The following INSR variants were observed in gnomAD, a reference collection of about 807,000 sequenced individuals.
INSR encodes IR.
In INSR, 67 loss-of-function variants were observed where a neutral mutation model predicts 142.6. The ratio of observed to expected loss-of-function variants is 0.47; its 90% CI spans 0.39 to 0.58. The LOEUF (loss-of-function observed/expected upper bound fraction) is 0.58. INSR is among the 20% of genes least tolerant of loss of function. The pLI is 0.00. For synonymous variants in INSR, 756 were observed against 743.1 expected (o/e 1.02, Z -0.28); for missense variants, 1,248 against 1,833.2 (o/e 0.68, Z 5.83).
At chr19:7,160,176 T>C (rs941271712) in intron 9 of INSR, among the ~76,000 whole-genome samples, 26 of 151,884 alleles carry the variant, frequency 1.7e-4, no homozygotes, top group African/African-American at 5.8e-4. Flanking sequence ...TTTTCTTAGA[T>C]GGAGTTTTGC....
chr19:7,249,131 A>C (rs74487764), intron 2 of INSR, among the ~76,000 whole-genome samples: 2,408 of 152,180 alleles, frequency 0.016, 62 homozygotes, highest in African/African-American at 0.055. Context: ...TCTGAACTAC[A>C]TTGACAAATT....
intron 2 of INSR, among the ~76,000 whole-genome samples, chr19:7,215,318 C>T (rs917718920): frequency 1.3e-5 from 2 of 152,106 alleles, no homozygotes; most frequent in Admixed American, 6.6e-5. Context: ...GTATTTATGC[C>T]CCTTGTGTCA....
Position 7,158,333 on chromosome 19 carries a change from T to A in INSR, c.2029+4699A>T, listed in dbSNP as rs1159326107. Among the ~76,000 whole-genome samples, 4 of 151,760 alleles carry A rather than the reference T, an allele frequency of 2.6e-5. No individual in the cohort carries two copies. The South Asian group carries it at 6.2e-4, about 24-fold the overall frequency. ...GGCTAACATGGTGAAACCCCGTCTC[T>A]ACTAAAAAATACAAAAAATTAGCCG... is the stretch of plus-strand genomic sequence containing the variant. On this transcript the variant is annotated intron_variant, in intron 9 of 21. Transcript: ENST00000302850.
chr19:7,172,490 A>T, intron 4 of INSR, 56 bp from the exon 5 acceptor site: 1 of 1,564,300 alleles, frequency 6.4e-7, no homozygotes, highest in South Asian at 1.1e-5. Flanking sequence ...CAATCTTCTC[A>T]TGATTCTCCA....
intron 11 of INSR, among the ~76,000 whole-genome samples, chr19:7,146,240 T>TC (rs1301922813): frequency 1.4e-5 from 2 of 146,972 alleles, no homozygotes; most frequent in Non-Finnish European, 3.0e-5. Context: ...CAAGTTCTTT[T>TC]TTTTTTTTTT....
At chr19:7,209,276 T>C (rs1044961204) in intron 2 of INSR, among the ~76,000 whole-genome samples, 4 of 152,314 alleles carry the variant, frequency 2.6e-5, no homozygotes, top group African/African-American at 9.6e-5. Context: ...CAGTGAGCTG[T>C]GATCACACCA....
intron 1 of INSR, among the ~76,000 whole-genome samples, chr19:7,292,474 G>GA (rs112843117): frequency 1.3e-5 from 2 of 150,218 alleles, no homozygotes; most frequent in Admixed American, 1.3e-4. Flanking sequence ...CGGGGCTGGG[G>GA]GGGGGTGGGC....
chr19:7,211,408 C>T (rs1053933574), intron 2 of INSR, among the ~76,000 whole-genome samples: 3 of 152,078 alleles, frequency 2.0e-5, no homozygotes, highest in South Asian at 2.1e-4. Flanking sequence ...CAGGAGGTGA[C>T]GCTGTCATCC....
chr19:7,229,139 TG>T (rs1424926205), intron 2 of INSR, among the ~76,000 whole-genome samples: 2 of 143,246 alleles, frequency 1.4e-5, no homozygotes, highest in East Asian at 4.1e-4. Context: ...GGATGAAGGG[TG>T]ACTGAATGAA....
chr19:7,268,645 T>C, intron 1 of INSR: 1 of 978,994 alleles, frequency 1.0e-6, no homozygotes, highest in African/African-American at 1.7e-5. Context: ...ATGGCTTATA[T>C]GGAAGAAGAA....
At chr19:7,247,696 GA>G (rs1220145768) in intron 2 of INSR, among the ~76,000 whole-genome samples, 9 of 152,240 alleles carry the variant, frequency 5.9e-5, no homozygotes, top group Non-Finnish European at 1.2e-4. Context: ...CAGACATTCA[GA>G]AAAGCTAGAC....
intron 2 of INSR, among the ~76,000 whole-genome samples, chr19:7,197,235 T>C (rs760528906): frequency 2.0e-5 from 3 of 152,186 alleles, no homozygotes; most frequent in Non-Finnish European, 4.4e-5. Flanking sequence ...TTTGGAGACA[T>C]ACGGCGCATA....
At chr19:7,264,724 T>C (rs2145203756) in intron 2 of INSR, among the ~76,000 whole-genome samples, 1 of 152,330 alleles carries the variant, frequency 6.6e-6, no homozygotes, top group African/African-American at 2.4e-5. Context: ...TCTGGGCAAG[T>C]TAAGTAACCT....
chr19:7,176,199 G>A (rs1470374338), intron 3 of INSR, among the ~76,000 whole-genome samples: 1 of 152,220 alleles, frequency 6.6e-6, no homozygotes, highest in African/African-American at 2.4e-5. Flanking sequence ...GTGGGGCCTG[G>A]TGGGAGATGA....
At chr19:7,197,200 C>T (rs1441256232) in intron 2 of INSR, among the ~76,000 whole-genome samples, 1 of 152,238 alleles carries the variant, frequency 6.6e-6, no homozygotes, top group Non-Finnish European at 1.5e-5. Context: ...CGCGATGACG[C>T]CTTTGGAATA....
intron 2 of INSR, among the ~76,000 whole-genome samples, chr19:7,220,384 G>A (rs548891228): frequency 3.3e-5 from 5 of 152,150 alleles, no homozygotes; most frequent in East Asian, 1.9e-4. Flanking sequence ...TCCGCCTCCC[G>A]GGTTCAAACG....
chr19:7,180,796 C>T (rs75548595), intron 3 of INSR, among the ~76,000 whole-genome samples: 1,906 of 152,164 alleles, frequency 0.013, 106 homozygotes, highest in East Asian at 0.12. Context: ...CCTGCGGTAA[C>T]GACCACCACG....
intron 2 of INSR, among the ~76,000 whole-genome samples, chr19:7,255,555 TTTCC>T (rs111349260): frequency 2.0e-5 from 3 of 148,186 alleles, no homozygotes; most frequent in Non-Finnish European, 3.0e-5. Flanking sequence ...TCTTTCTTTC[TTTCC>T]TTCCTTCCTT....
At chr19:7,199,918 T>C (rs34060473) in intron 2 of INSR, among the ~76,000 whole-genome samples, 5 of 151,908 alleles carry the variant, frequency 3.3e-5, no homozygotes, top group African/African-American at 1.2e-4. Flanking sequence ...ATAATAAATC[T>C]TGTAGGAAAA....
Sources: allele counts gnomAD v4.1 joint callset (sites outside exome capture counted in the v4.1 genomes callset), GRCh38; gene constraint gnomAD v4.1.1; transcripts MANE v1.5; gene names NCBI Gene and HGNC (gene_info 2026-07-23, HGNC 2026-07-21).